The following STIMATE variants were observed in gnomAD, a reference collection of about 807,000 sequenced individuals.
STIMATE encodes store-operated calcium entry regulator STIMATE.
A neutral mutation model predicts 36.7 loss-of-function variants in STIMATE; 15 were observed. That is an observed-to-expected ratio of 0.41 (90% confidence interval 0.27 to 0.63). The LOEUF (loss-of-function observed/expected upper bound fraction) is 0.63, where lower values mean the gene tolerates loss of function less well. Among genes scored for constraint, STIMATE ranks in the 20% least tolerant of loss-of-function variants. The pLI is 0.32. For synonymous variants in STIMATE, 163 were observed against 162.3 expected (o/e 1.00, Z -0.03); for missense variants, 305 against 397.3 (o/e 0.77, Z 1.98).
rs772272793 is a variant in STIMATE, at chr3:52,849,773, G to A, written c.427+19C>T. 2.7e-5 allele frequency: 44 copies of A among 1,608,170 alleles called. No homozygotes were observed. Among genetic ancestry groups the A allele is most frequent in the Non-Finnish European group, 3.4e-5 (40 of 1,178,500 alleles). ...CCAGCAGTTCCCTCACGCCCTGTCC[G>A]GCATCCACAGCATATTACCATATTC... On this transcript the variant is annotated intron_variant, in intron 4 of 7. Coordinates refer to ENST00000355083, the MANE Select transcript of STIMATE (RefSeq NM_198563.5).
chr3:52,843,188 G>T, intron 6 of STIMATE: 2 of 840,242 alleles, frequency 2.4e-6, no homozygotes, highest in South Asian at 2.0e-5. Flanking sequence ...GTGCCCTGAC[G>T]GGTTTTTGTT....
chr3:52,870,217 C>G (rs979134318), intron 1 of STIMATE, among the ~76,000 whole-genome samples: 1 of 152,198 alleles, frequency 6.6e-6, no homozygotes, highest in Admixed American at 6.5e-5. Context: ...CTTGGCCTCC[C>G]AAAGTGCTGG....
intron 1 of STIMATE, 40 bp downstream of exon 1, chr3:52,897,251 C>A: frequency 6.6e-7 from 1 of 1,525,414 alleles, no homozygotes. Context: ...CCGCGGCTGC[C>A]GCGCAGGGCC....
intron 1 of STIMATE, among the ~76,000 whole-genome samples, chr3:52,875,319 A>G (rs542219382): frequency 2.6e-4 from 39 of 152,338 alleles, no homozygotes; most frequent in Non-Finnish European, 4.9e-4. Flanking sequence ...TTCTTAGAAG[A>G]AGGCATGGCC....
At chr3:52,855,288 T>G (rs1407371846) in intron 2 of STIMATE, 108 bp downstream of exon 2, 1 of 1,330,046 alleles carries the variant, frequency 7.5e-7, no homozygotes, top group Non-Finnish European at 1.0e-6. Flanking sequence ...ATGTATCATT[T>G]CTCACATTCC....
chr3:52,891,373 A>C (rs1279604549), intron 1 of STIMATE, among the ~76,000 whole-genome samples: 1 of 152,190 alleles, frequency 6.6e-6, no homozygotes, highest in Non-Finnish European at 1.5e-5. Flanking sequence ...GCATGCTGGG[A>C]ACTCAGTGAA....
Position 52,840,424 on chromosome 3 carries a change from A to G in STIMATE, c.*70T>C, listed in dbSNP as rs1700775237. ...AAGGGCAGAGAGAGGGTAAGGAACG[A>G]TGCTGCGGGATGACCTCTGCACACC... On this transcript the variant is annotated 3_prime_UTR_variant, in exon 8 of 8. Transcript: ENST00000355083. 5 of 1,529,656 alleles carry G rather than the reference A, an allele frequency of 3.3e-6. No homozygotes were observed. The allele number at this position is 1,529,656 out of a possible 1,614,324, so 94.8% of individuals were successfully genotyped here.
chr3:52,877,512 G>A (rs2106713087), intron 1 of STIMATE, among the ~76,000 whole-genome samples: 1 of 152,360 alleles, frequency 6.6e-6, no homozygotes, highest in East Asian at 1.9e-4. Context: ...AGAGGCCTAG[G>A]ACAGAGGAAT....
rs191812474 is a variant in STIMATE, at chr3:52,843,402, C to T, written c.618+319G>A. Among the ~76,000 whole-genome samples the T allele has an allele frequency of 9.1e-4, 138 of 152,132 alleles. 1 individual carries two copies. Among genetic ancestry groups the T allele is most frequent in the Non-Finnish European group, 1.6e-3 (112 of 68,004 alleles). On this transcript the variant is annotated intron_variant, in intron 6 of 7. Coordinates refer to ENST00000355083, the MANE Select transcript of STIMATE (RefSeq NM_198563.5). ...CTCAAGATCCGTGGTCAGGAATGAA[C>T]GATGGGTACGTTTGGAACAATCCTG...
At chr3:52,868,021 G>A (rs1701339966) in intron 1 of STIMATE, among the ~76,000 whole-genome samples, 1 of 152,176 alleles carries the variant, frequency 6.6e-6, no homozygotes, top group Non-Finnish European at 1.5e-5. Flanking sequence ...CTGTCCTGAG[G>A]GGTGAGCAAA....
At chr3:52,852,789 C>A (rs2106669459) in intron 2 of STIMATE, 91 bp from the exon 3 acceptor site, 4 of 1,485,134 alleles carry the variant, frequency 2.7e-6, no homozygotes, top group South Asian at 1.3e-5. Context: ...AGGAAGAAAG[C>A]CACCCCAACC....
chr3:52,849,108 A>T (rs7637212), intron 4 of STIMATE, among the ~76,000 whole-genome samples: 135,486 of 152,194 alleles, frequency 0.89, 62,205 homozygotes, highest in Non-Finnish European at 1. Flanking sequence ...CCCGAATTCC[A>T]TCCGCTCTCC....
chr3:52,880,932 T>C (rs559893577), intron 1 of STIMATE, among the ~76,000 whole-genome samples: 1 of 152,346 alleles, frequency 6.6e-6, no homozygotes, highest in African/African-American at 2.4e-5. Context: ...CTCATGCCTG[T>C]AATCCCAGCA....
At chr3:52,893,219 G>A (rs536085650) in intron 1 of STIMATE, among the ~76,000 whole-genome samples, 2 of 152,298 alleles carry the variant, frequency 1.3e-5, no homozygotes, top group African/African-American at 4.8e-5. Context: ...GACTGGATAT[G>A]AGATGATATC....
At chr3:52,868,610 G>A (rs1701351068) in intron 1 of STIMATE, among the ~76,000 whole-genome samples, 1 of 152,060 alleles carries the variant, frequency 6.6e-6, no homozygotes, top group African/African-American at 2.4e-5. Flanking sequence ...CTCACGTCAG[G>A]AACTTGATTA....
At chr3:52,843,189 G>A (rs1700833374) in intron 6 of STIMATE, 1 of 820,732 alleles carries the variant, frequency 1.2e-6, no homozygotes, top group Non-Finnish European at 1.8e-6. Flanking sequence ...TGCCCTGACG[G>A]GTTTTTGTTG....
At chr3:52,857,404 T>C (rs1701124962) in intron 1 of STIMATE, among the ~76,000 whole-genome samples, 1 of 152,126 alleles carries the variant, frequency 6.6e-6, no homozygotes, top group Non-Finnish European at 1.5e-5. Flanking sequence ...CAGGTCTCAC[T>C]TGGGGGCTGG....
At chr3:52,846,260 C>CA (rs1267497415) in intron 4 of STIMATE, among the ~76,000 whole-genome samples, 5 of 152,126 alleles carry the variant, frequency 3.3e-5, no homozygotes, top group African/African-American at 7.2e-5. Context: ...ACATTTGAGC[C>CA]AAAAAACCCA....
chr3:52,897,281 C>G lies in STIMATE; in HGVS notation c.160+10G>C. On this transcript the variant is annotated intron_variant, in intron 1 of 7. Coordinates refer to ENST00000355083, the MANE Select transcript of STIMATE (RefSeq NM_198563.5). ...AGGGCCTCCGGAGGGTCGGGGGGTC[C>G]CAGACTCACGCATTAACGTGCTGAA... 6.5e-7 allele frequency: 1 copy of G among 1,543,158 alleles called. No individual in the cohort carries two copies. Among genetic ancestry groups the G allele is most frequent in the Non-Finnish European group, 8.7e-7 (1 of 1,151,332 alleles).
Sources: gnomAD v4.1 joint callset for allele counts (sites outside exome capture counted in the v4.1 genomes callset) on GRCh38, gnomAD v4.1.1 for gene constraint, MANE v1.5 for transcripts, NCBI Gene and HGNC (gene_info 2026-07-23, HGNC 2026-07-21) for gene names.